RASSF4: variants seen among roughly 807,000 people sequenced by gnomAD.
RASSF4 encodes Ras association domain family member 4, also known as ras association domain-containing protein 4.
In RASSF4, 38 loss-of-function variants were observed where a neutral mutation model predicts 41.1. That is an observed-to-expected ratio of 0.92 (90% CI 0.71 to 1.21). The LOEUF (loss-of-function observed/expected upper bound fraction) is 1.21. Ranked by LOEUF, RASSF4 falls within the 50% of genes most tolerant of loss-of-function variation. RASSF4 has a pLI of 0.00. For missense variants in RASSF4, 414 were observed against 419.4 expected (o/e 0.99, Z 0.11); for synonymous variants, 179 against 163.4 (o/e 1.10, Z -0.73).
intron 2 of RASSF4, 119 bp downstream of exon 2, chr10:44,970,383 TG>T (rs1841101867): frequency 1.3e-6 from 1 of 785,910 alleles, no homozygotes; most frequent in African/African-American, 1.7e-5. Context: ...TGGGGTGCCC[TG>T]GGGGACAGTG....
rs1406524735 is a variant in RASSF4, at chr10:44,995,337, G to C, written c.*2008G>C. 6.6e-6 allele frequency: 1 copy of C among 152,358 alleles called. No individual in the cohort carries two copies. Among genetic ancestry groups the C allele is most frequent in the Non-Finnish European group, 1.5e-5 (1 of 68,142 alleles). 9.4% of individuals were successfully genotyped at this position (152,358 alleles called of 1,614,324 possible). A position where few individuals can be genotyped will look rare whatever the true frequency, so the allele number is the denominator to read the frequency against. On this transcript the variant is annotated 3_prime_UTR_variant, in exon 11 of 11. Coordinates refer to ENST00000340258, the MANE Select transcript of RASSF4 (RefSeq NM_032023.4). ...ACGAACCGGCAAAGCTCCTGGGAGTGAGGTGGAGGCCAAGGCAGAGTTGGC... is the reference window on the plus strand; with the variant it reads ...ACGAACCGGCAAAGCTCCTGGGAGTCAGGTGGAGGCCAAGGCAGAGTTGGC...
intron 1 of RASSF4, among the ~76,000 whole-genome samples, chr10:44,963,115 C>T (rs1190671875): frequency 2.0e-5 from 3 of 152,026 alleles, no homozygotes; most frequent in East Asian, 3.9e-4. Context: ...GCTCTGTGCC[C>T]GCCTCTCCTG....
Position 44,993,546 on chromosome 10 carries a change from C to T in RASSF4, c.*217C>T. ...AGGAAGCCGACCCAGGCCTGAGGGG[C>T]CAGGAACTTGCTGGGTCAGATCTGT... On this transcript the variant is annotated 3_prime_UTR_variant, in exon 11 of 11. Coordinates refer to ENST00000340258, the MANE Select transcript of RASSF4 (RefSeq NM_032023.4). The T allele has an allele frequency of 1.7e-6, 1 of 576,286 alleles. No individual in the cohort carries two copies. Among genetic ancestry groups the T allele is most frequent in the East Asian group, 2.9e-5 (1 of 34,750 alleles). The allele number at this position is 576,286 out of a possible 1,614,324, so 35.7% of individuals were successfully genotyped here.
chr10:44,966,860 A>G (rs2100203795), intron 1 of RASSF4, among the ~76,000 whole-genome samples: 1 of 152,094 alleles, frequency 6.6e-6, no homozygotes, highest in Non-Finnish European at 1.5e-5. Flanking sequence ...CCCTTATTTT[A>G]ACAGTTTCCT....
At chr10:44,970,355 A>T (rs1841100248) in intron 2 of RASSF4, 91 bp downstream of exon 2, 3 of 1,055,390 alleles carry the variant, frequency 2.8e-6, no homozygotes, top group African/African-American at 1.6e-5. Flanking sequence ...GGTTCTGAGC[A>T]CTTGTTCAGA....
At chr10:44,977,974 C>A (rs200922090) in intron 3 of RASSF4, 2 of 1,612,194 alleles carry the variant, frequency 1.2e-6, no homozygotes, top group Admixed American at 3.3e-5. Flanking sequence ...GCATCTCCTC[C>A]GTGGTCTCCC....
chr10:44,988,572 C>T (rs1012569716), intron 6 of RASSF4, among the ~76,000 whole-genome samples: 1 of 152,216 alleles, frequency 6.6e-6, no homozygotes, highest in African/African-American at 2.4e-5. Flanking sequence ...TGTTATTGCA[C>T]AGTCCCCAGG....
At chr10:44,975,596 C>A (rs1588813988) in intron 3 of RASSF4, among the ~76,000 whole-genome samples, 1 of 139,590 alleles carries the variant, frequency 7.2e-6, no homozygotes, top group African/African-American at 2.7e-5. Flanking sequence ...TCCCCACCCC[C>A]ACCCCAGTGG....
chr10:44,976,799 G>T (rs1841447393), intron 3 of RASSF4: 1 of 152,590 alleles, frequency 6.6e-6, no homozygotes, highest in Non-Finnish European at 1.5e-5. Flanking sequence ...GGACGTATGA[G>T]TTGTAGCCAG....
intron 10 of RASSF4, 110 bp downstream of exon 10, chr10:44,992,112 C>G: frequency 4.4e-6 from 3 of 685,610 alleles, no homozygotes; most frequent in Non-Finnish European, 7.6e-6. Context: ...GCACCAGTAC[C>G]CTGGTACGGG....
rs2132807832 is a variant in RASSF4, at chr10:44,991,958, A to C, written c.861A>C (p.Lys287Asn). The change falls in exon 10 of 11, where the codon AAA becomes AAC. Residue 287 changes from lysine to asparagine, a missense_variant. Physicochemically the swap from Lys to Asn is moderately conservative, Grantham distance 94. Transcript: ENST00000340258. ...CGGTGCTGGACAGTTTTGTTGAAAAATTAAAAGAAGAGGAAGAAAGAGAAA... is the reference window on the plus strand; with the variant it reads ...CGGTGCTGGACAGTTTTGTTGAAAACTTAAAAGAAGAGGAAGAAAGAGAAA... ...EMPVLDSFVE[K>N]LKEEEEREII... 1.9e-6 allele frequency: 3 copies of C among 1,613,648 alleles called. No homozygotes were observed. The East Asian group carries it at 6.7e-5, about 36-fold the overall frequency.
intron 2 of RASSF4, chr10:44,970,653 G>C (rs567291690): frequency 5.9e-6 from 1 of 170,566 alleles, no homozygotes; most frequent in African/African-American, 2.4e-5. Context: ...GGCCATTCTT[G>C]TGTTGCTATA....
intron 5 of RASSF4, chr10:44,984,520 C>A (rs1186169860): frequency 3.9e-6 from 2 of 515,124 alleles, no homozygotes; most frequent in African/African-American, 3.8e-5. Context: ...TGTTTCAGAG[C>A]AGGGGCTCAG....
intron 1 of RASSF4, among the ~76,000 whole-genome samples, chr10:44,965,349 G>C (rs967846826): frequency 6.6e-6 from 1 of 152,198 alleles, no homozygotes; most frequent in Non-Finnish European, 1.5e-5. Context: ...TGGATGTGGG[G>C]AAAGATCTGG....
Position 44,978,058 on chromosome 10 carries a change from GT to G in RASSF4, c.139-4461del, listed in dbSNP as rs751131758. On this transcript the variant is annotated intron_variant, in intron 3 of 10. Coordinates refer to ENST00000340258, the MANE Select transcript of RASSF4 (RefSeq NM_032023.4). ...CTCTGGCGAGAGGAGGTGGCAACCTGTTGGGAAACAGAAGCCTGGTGGTGAG... is the reference window on the plus strand; with the variant it reads ...CTCTGGCGAGAGGAGGTGGCAACCTGTGGGAAACAGAAGCCTGGTGGTGAG... The G allele has an allele frequency of 6.9e-6, 11 of 1,588,356 alleles. No individual in the cohort carries two copies. The African/African-American group carries it at 1.4e-4, about 20-fold the overall frequency.
In RASSF4 at chr10:44,971,979, T is replaced by C. The variant is rs140222565; in HGVS notation, c.138+131T>C. The C allele has an allele frequency of 1.7e-5, 11 of 639,068 alleles. No homozygotes were observed. In the Admixed American group the frequency reaches 1.7e-4, roughly 10 times the overall value. 39.6% of individuals were successfully genotyped at this position (639,068 alleles called of 1,614,324 possible). On this transcript the variant is annotated intron_variant, in intron 3 of 10. Transcript: ENST00000340258. ...CAGTGACCTAGTTTGGACAATAAGT[T>C]ATATGGTCACTCTCATCACTCACCT...
intron 3 of RASSF4, chr10:44,977,423 TAG>T (rs755498816): frequency 1.3e-5 from 21 of 1,601,330 alleles, no homozygotes; most frequent in Non-Finnish European, 1.7e-5. Context: ...GAGGTGCGAG[TAG>T]AGTGTTCTGA....
At chr10:44,978,580 GT>G (rs990673728) in intron 3 of RASSF4, 1 of 152,480 alleles carries the variant, frequency 6.6e-6, no homozygotes, top group African/African-American at 2.4e-5. Flanking sequence ...AAGCCCTTGT[GT>G]TTTGTCTCAA....
intron 1 of RASSF4, among the ~76,000 whole-genome samples, chr10:44,960,683 A>G (rs949165717): frequency 6.6e-6 from 1 of 152,194 alleles, no homozygotes; most frequent in Admixed American, 6.5e-5. Context: ...CACTTTCTTA[A>G]AACACAGTAA....
Sources: allele counts gnomAD v4.1 joint callset (sites outside exome capture counted in the v4.1 genomes callset), GRCh38; gene constraint gnomAD v4.1.1; transcripts MANE v1.5; gene names NCBI Gene and HGNC (gene_info 2026-07-23, HGNC 2026-07-21).